ZNF469: variants seen among roughly 807,000 people sequenced by gnomAD.
ZNF469 encodes the protein zinc finger protein 469.
In ZNF469, 1 loss-of-function variant was observed where a neutral mutation model predicts 1.0. That is an observed-to-expected ratio of 1.00 (90% CI 0.35 to 4.73). The LOEUF is 4.73. ZNF469 is among the 30% of genes most tolerant of loss of function. The pLI is 0.16. For synonymous variants in ZNF469, 2,703 were observed against 2,363.4 expected (o/e 1.14, Z -4.17); for missense variants, 6,100 against 5,356.3 (o/e 1.14, Z -4.33).
the ZNF469 span, among the ~76,000 whole-genome samples, chr16:88,213,535 T>G: frequency 1.3e-5 from 2 of 152,352 alleles, no homozygotes; most frequent in East Asian, 3.9e-4. Context: ...CAAAAAGTCT[T>G]CGGGGTGAGC....
chr16:88,285,130 G>A, the ZNF469 span, among the ~76,000 whole-genome samples: 6 of 152,236 alleles, frequency 3.9e-5, no homozygotes, highest in Non-Finnish European at 8.8e-5. Context: ...CAAGGCACAC[G>A]TGCCCATGAC....
At chr16:88,132,414 G>GCA in the ZNF469 span, among the ~76,000 whole-genome samples, 1 of 152,186 alleles carries the variant, frequency 6.6e-6, no homozygotes, top group African/African-American at 2.4e-5. Context: ...CACCCAGAGC[G>GCA]CCGCGTAGCC....
chr16:88,362,947 C>G, the ZNF469 span, among the ~76,000 whole-genome samples: 2 of 152,184 alleles, frequency 1.3e-5, no homozygotes, highest in African/African-American at 4.8e-5. Context: ...AATCTATGTT[C>G]AAACTTATGA....
At chr16:88,188,872 G>T in the ZNF469 span, among the ~76,000 whole-genome samples, 2 of 152,006 alleles carry the variant, frequency 1.3e-5, no homozygotes, top group Non-Finnish European at 2.9e-5. Context: ...CCCCGGTGTG[G>T]GCACCATGCA....
Position 88,431,078 on chromosome 16 carries a change from T to G in ZNF469, c.3608T>G (p.Leu1203Arg). Residue 1203 changes from leucine to arginine, a missense_variant, in exon 3 of 3, where the codon CTG becomes CGG. By Grantham distance (102) the Leu-to-Arg change is moderately radical. Coordinates refer to ENST00000565624, the MANE Select transcript of ZNF469 (RefSeq NM_001367624.2). ...DRPSVAPKDPLQVPTNTETSE... is the reference protein window; with the variant it reads ...DRPSVAPKDPRQVPTNTETSE... The stretch of plus-strand genomic sequence containing the variant: ...CCCTCAGTGGCCCCCAAGGATCCCC[T>G]GCAGGTCCCCACCAACACCGAGACC... 1 of 1,549,662 alleles carries G rather than the reference T, an allele frequency of 6.5e-7. No homozygotes were observed. Among genetic ancestry groups the G allele is most frequent in the Non-Finnish European group, 8.7e-7 (1 of 1,146,852 alleles).
intron 1 of ZNF469, among the ~76,000 whole-genome samples, chr16:88,413,872 T>TGGCAGGTGCCATGGA: frequency 6.6e-6 from 1 of 152,074 alleles, no homozygotes; most frequent in Non-Finnish European, 1.5e-5. Context: ...GTGAGTGTGG[T>TGGCAGGTGCCATGGA]GGCAGGTGCC....
upstream of ZNF469, among the ~76,000 whole-genome samples, chr16:88,380,684 TCACA>T (rs1351179414): frequency 9.3e-6 from 1 of 107,560 alleles, no homozygotes; most frequent in Non-Finnish European, 1.8e-5. Context: ...AGACATGCAT[TCACA>T]CACATGCACT....
At chr16:88,397,636 G>C (rs919950124) in intron 1 of ZNF469, among the ~76,000 whole-genome samples, 1 of 66,706 alleles carries the variant, frequency 1.5e-5, no homozygotes. Context: ...TGGATGGATG[G>C]ATGGATGGAT....
chr16:88,153,115 C>T, the ZNF469 span, among the ~76,000 whole-genome samples: 7 of 152,274 alleles, frequency 4.6e-5, no homozygotes, highest in East Asian at 7.7e-4. Flanking sequence ...TTGGCGGGGC[C>T]GGGGGTGTGG....
At chr16:88,181,073 CTTT>C in the ZNF469 span, among the ~76,000 whole-genome samples, 7 of 131,122 alleles carry the variant, frequency 5.3e-5, no homozygotes, top group Admixed American at 1.6e-4. Flanking sequence ...AGAATACACA[CTTT>C]TTTTTTTTTT....
At chr16:88,256,854 T>C in the ZNF469 span, among the ~76,000 whole-genome samples, 1 of 151,316 alleles carries the variant, frequency 6.6e-6, no homozygotes, top group Non-Finnish European at 1.5e-5. Context: ...CTTTCTTCCT[T>C]CCTTTTTCCT....
In ZNF469 at chr16:88,429,488, C is replaced by G. The variant is rs776239249; in HGVS notation, c.2018C>G (p.Ala673Gly). The part of the protein sequence containing the change: ...PEPAKAFPFP[A>G]DGLGAEGAFQ... ...CCAGCCAAGGCCTTCCCTTTTCCCG[C>G]AGATGGGCTGGGAGCCGAGGGTGCC... Residue 673 changes from alanine (A) to glycine (G), a missense_variant, in exon 3 of 3, where the codon GCA (alanine) becomes GGA (glycine). Transcript: ENST00000565624. 2 of 1,550,118 alleles carry G rather than the reference C, an allele frequency of 1.3e-6. No homozygotes were observed. The highest frequency in any genetic ancestry group is 8.7e-7 in the Non-Finnish European group (1 of 1,146,866).
chr16:88,134,322 CTT>C, the ZNF469 span, among the ~76,000 whole-genome samples: 1 of 152,284 alleles, frequency 6.6e-6, no homozygotes, highest in African/African-American at 2.4e-5. Context: ...TGTACTCACT[CTT>C]TGGGCAAACG....
the ZNF469 span, among the ~76,000 whole-genome samples, chr16:88,323,529 G>A: frequency 2.0e-5 from 3 of 152,194 alleles, no homozygotes; most frequent in African/African-American, 7.2e-5. Context: ...AGAGGGCCCT[G>A]GGCATGGGAG....
chr16:88,359,354 G>A, the ZNF469 span, among the ~76,000 whole-genome samples: 3 of 151,666 alleles, frequency 2.0e-5, no homozygotes, highest in Admixed American at 6.6e-5. Context: ...GCGTCCCGGG[G>A]GCTTGGTATC....
At chr16:88,167,314 G>C in the ZNF469 span, among the ~76,000 whole-genome samples, 3 of 151,964 alleles carry the variant, frequency 2.0e-5, no homozygotes, top group African/African-American at 7.3e-5. Context: ...CGCCCGCCTC[G>C]GCCTCTCAAA....
chr16:88,129,519 C>T, the ZNF469 span, among the ~76,000 whole-genome samples: 1 of 152,320 alleles, frequency 6.6e-6, no homozygotes, highest in African/African-American at 2.4e-5. Flanking sequence ...CCTCTTTCAA[C>T]ACAGTACTTG....
chr16:88,152,534 C>A, the ZNF469 span, among the ~76,000 whole-genome samples: 1 of 152,156 alleles, frequency 6.6e-6, no homozygotes, highest in African/African-American at 2.4e-5. This position sits in a 1 kb window ranked among gnomAD's most constrained non-coding sequence, Gnocchi z 4.2. Flanking sequence ...GGAATCTGTC[C>A]CTGGCTGGGT....
At chr16:88,225,456 G>A in the ZNF469 span, among the ~76,000 whole-genome samples, 1 of 152,198 alleles carries the variant, frequency 6.6e-6, no homozygotes, top group Admixed American at 6.5e-5. Context: ...AAATCGGTGG[G>A]CAGGGATTGG....
Sources: gnomAD v4.1 joint callset for allele counts (sites outside exome capture counted in the v4.1 genomes callset) on GRCh38, gnomAD v4.1.1 for gene constraint, Gnocchi (gnomAD v3.1) non-coding constraint, MANE v1.5 for transcripts, NCBI Gene and HGNC (gene_info 2026-07-23, HGNC 2026-07-21) for gene names.